Variants in PLA2G4E observed in about 807,000 individuals in gnomAD.
The protein encoded by PLA2G4E is phospholipase A2 group IVE.
A neutral mutation model predicts 109.1 loss-of-function variants in PLA2G4E; 84 were observed. The observed-to-expected ratio is 0.77, with a 90% CI of 0.65 to 0.92. The LOEUF (loss-of-function observed/expected upper bound fraction) is 0.92, where lower values mean the gene tolerates loss of function less well. Among genes scored for constraint, PLA2G4E ranks in the 40% least tolerant of loss-of-function variants. PLA2G4E has a pLI of 0.00. For synonymous variants in PLA2G4E, 469 were observed against 436.1 expected, an observed-to-expected ratio of 1.08 and a Z score of -0.94; for missense variants, 1,057 against 1,076.6, an observed-to-expected ratio of 0.98 and a Z score of 0.25.
At chr15:41,986,693 A>ATT (rs544075860) in intron 17 of PLA2G4E, among the ~76,000 whole-genome samples, 1 of 150,962 alleles carries the variant, frequency 6.6e-6, no homozygotes, top group South Asian at 2.1e-4. Context: ...ATTAAAAACA[A>ATT]TTTTTTTTTA....
intron 1 of PLA2G4E, among the ~76,000 whole-genome samples, chr15:42,028,367 TTTTATTTATTTATTTACTTA>T (rs1397621741): frequency 0.012 from 1,433 of 118,834 alleles, 21 homozygotes; most frequent in African/African-American, 0.044. Flanking sequence ...TGCGTTTTTA[TTTTATTTATTTATTTACTTA>T]TTTATTTATT....
chr15:42,047,718 G>C (rs1889439536), intron 1 of PLA2G4E, among the ~76,000 whole-genome samples: 2 of 152,084 alleles, frequency 1.3e-5, no homozygotes, highest in Non-Finnish European at 1.5e-5. Flanking sequence ...ACACCCTCTT[G>C]CAGAGCTGGT....
At chr15:42,042,798 C>A (rs969286623) in intron 1 of PLA2G4E, among the ~76,000 whole-genome samples, 2 of 152,114 alleles carry the variant, frequency 1.3e-5, no homozygotes, top group African/African-American at 4.8e-5. Flanking sequence ...ACTCATTGGG[C>A]AAGGAAGGGG....
At chr15:41,987,256 A>T in exon 17 of PLA2G4E, 2 of 1,614,018 alleles carry the variant, frequency 1.2e-6, no homozygotes, top group Non-Finnish European at 1.7e-6. Flanking sequence ...TCAGACACGA[A>T]GGACCGATGG....
intron 1 of PLA2G4E, among the ~76,000 whole-genome samples, chr15:42,031,498 C>T (rs1245493267): frequency 1.3e-5 from 2 of 152,252 alleles, no homozygotes; most frequent in South Asian, 2.1e-4. Context: ...CATTTTTCCT[C>T]CTCTCATTTT....
At chr15:42,036,588 C>T (rs1889220621) in intron 1 of PLA2G4E, among the ~76,000 whole-genome samples, 1 of 152,044 alleles carries the variant, frequency 6.6e-6, no homozygotes, top group Non-Finnish European at 1.5e-5. Context: ...CCTGACACTC[C>T]CAAAGGCTGG....
rs998536028 is a variant in PLA2G4E at position 41,989,852 on chromosome 15, C to T, written c.1585+269G>A. On this transcript the variant is annotated intron_variant, in intron 14 of 19. Transcript: ENST00000399518. ...CTCGAGTCTCTCTCTCTCTGGGCAGCGTAGAAATATCTTCCTTTCACAACC... is the reference window on the plus strand; with the variant it reads ...CTCGAGTCTCTCTCTCTCTGGGCAGTGTAGAAATATCTTCCTTTCACAACC... Among the ~76,000 whole-genome samples, 3 of 152,220 alleles carry T rather than the reference C, an allele frequency of 2.0e-5. No individual in the cohort carries two copies. The South Asian group carries it at 6.2e-4, about 32-fold the overall frequency.
At chr15:41,985,956 G>A (rs1281806210) in exon 18 of PLA2G4E, 6 of 1,605,014 alleles carry the variant, frequency 3.7e-6, no homozygotes, top group Non-Finnish European at 5.1e-6. Flanking sequence ...GCAGGCACAG[G>A]TGGTTCGCGG....
chr15:42,022,716 C>G (rs2068659096), intron 1 of PLA2G4E, among the ~76,000 whole-genome samples: 1 of 152,106 alleles, frequency 6.6e-6, no homozygotes, highest in African/African-American at 2.4e-5. Flanking sequence ...GCTCTAAATA[C>G]AGATGAAGCT....
intron 1 of PLA2G4E, among the ~76,000 whole-genome samples, chr15:42,023,449 G>A (rs571224052): frequency 6.6e-6 from 1 of 152,040 alleles, no homozygotes; most frequent in East Asian, 1.9e-4. Context: ...CAGGAGAGCT[G>A]AACTTTAAGA....
intron 1 of PLA2G4E, among the ~76,000 whole-genome samples, chr15:42,038,796 G>T (rs1299251366): frequency 6.6e-6 from 1 of 152,122 alleles, no homozygotes; most frequent in African/African-American, 2.4e-5. Flanking sequence ...TATATTCCTA[G>T]GAGTATAAAT....
At position 41,984,446 on chromosome 15, in the gene PLA2G4E, G is replaced by C; in HGVS notation, c.2376C>G (p.Tyr792Ter). 1 of 1,612,708 alleles carries C rather than the reference G, an allele frequency of 6.2e-7. No homozygotes were observed. The highest frequency in any genetic ancestry group is 1.1e-5 in the South Asian group (1 of 90,830). The change falls in exon 19 of 20, where the codon TAC becomes TAG. Residue 792 changes from tyrosine to a stop codon, truncating the protein, a stop_gained. Coordinates refer to ENST00000399518, the Ensembl canonical transcript of PLA2G4E. LOFTEE classifies it high-confidence loss of function. Reference sequence around the variant, plus strand: ...ACAGAGGCAGCTCACCTGGTGCCTTGTATTTTCGGAAAGTGTCATTGATGA... The same window carrying C: ...ACAGAGGCAGCTCACCTGGTGCCTTCTATTTTCGGAAAGTGTCATTGATGA...
At chr15:42,030,621 A>AT (rs1323132305) in intron 1 of PLA2G4E, among the ~76,000 whole-genome samples, 2 of 152,124 alleles carry the variant, frequency 1.3e-5, no homozygotes, top group Non-Finnish European at 2.9e-5. Flanking sequence ...GCCTTCATTC[A>AT]TTTCTTCACT....
intron 12 of PLA2G4E, 116 bp downstream of exon 12, chr15:41,995,244 A>C (rs2068318558): frequency 1.5e-6 from 2 of 1,365,060 alleles, no homozygotes; most frequent in Non-Finnish European, 2.0e-6. Context: ...GGCACTTCCC[A>C]GGCTTCAGGA....
At chr15:42,012,492 A>G (rs1388630554) in intron 2 of PLA2G4E, among the ~76,000 whole-genome samples, 1 of 152,060 alleles carries the variant, frequency 6.6e-6, no homozygotes, top group Non-Finnish European at 1.5e-5. Flanking sequence ...TAGTGTGTGG[A>G]TGTCTGGCTA....
chr15:42,023,978 A>G (rs1197981141), intron 1 of PLA2G4E, among the ~76,000 whole-genome samples: 1 of 152,196 alleles, frequency 6.6e-6, no homozygotes, highest in East Asian at 1.9e-4. Flanking sequence ...GATCTACTGG[A>G]AAGTATTTAC....
At chr15:41,996,350 G>GAAAAAAACAAA (rs2068339305) in intron 11 of PLA2G4E, among the ~76,000 whole-genome samples, 1 of 75,108 alleles carries the variant, frequency 1.3e-5, no homozygotes. Flanking sequence ...CCTGTCTCAA[G>GAAAAAAACAAA]AAAAAAAAAA....
intron 12 of PLA2G4E, among the ~76,000 whole-genome samples, chr15:41,994,504 C>A (rs1452020449): frequency 6.6e-6 from 1 of 152,094 alleles, no homozygotes. Flanking sequence ...TTTTGATGGG[C>A]CCCACAAAAA....
chr15:42,000,260 C>T (rs1275343721), exon 8 of PLA2G4E: 1 of 1,573,388 alleles, frequency 6.4e-7, no homozygotes, highest in African/African-American at 1.4e-5. Flanking sequence ...AGGATTCGTT[C>T]ACCATCACCA....
Sources: allele counts gnomAD v4.1 joint callset (sites outside exome capture counted in the v4.1 genomes callset), GRCh38; gene constraint gnomAD v4.1.1; transcripts MANE v1.5; gene names NCBI Gene and HGNC (gene_info 2026-07-23, HGNC 2026-07-21).